PLEKHM1: variants seen among roughly 807,000 people sequenced by gnomAD.
PLEKHM1 encodes the protein pleckstrin homology domain-containing family M member 1.
Under a neutral mutation model 94.3 loss-of-function variants are expected in PLEKHM1, and 28 were observed. That is an observed-to-expected ratio of 0.30 (90% CI 0.22 to 0.41). The LOEUF (loss-of-function observed/expected upper bound fraction) is 0.41, where lower values mean the gene tolerates loss of function less well. PLEKHM1 is among the 10% of genes least tolerant of loss of function. PLEKHM1 has a pLI of 1.00. For missense variants in PLEKHM1, 907 were observed against 1,358.6 expected (o/e 0.67, Z 5.22); for synonymous variants, 424 against 581.2 (o/e 0.73, Z 3.89).
chr17:45,457,288 C>T (rs796358237), intron 6 of PLEKHM1, among the ~76,000 whole-genome samples: 12 of 151,786 alleles, frequency 7.9e-5, no homozygotes, highest in African/African-American at 2.4e-4. Flanking sequence ...ATTGGCCAGG[C>T]GCAGTGGCTC....
At chr17:45,449,859 CACCT>C (rs1471834966) in intron 8 of PLEKHM1, among the ~76,000 whole-genome samples, 2 of 150,710 alleles carry the variant, frequency 1.3e-5, no homozygotes, top group East Asian at 2.0e-4. Context: ...CCTGCTCATT[CACCT>C]ACCTACCTAT....
rs1363165181 is a variant in PLEKHM1, at chr17:45,445,575, T to C, written c.2732A>G (p.His911Arg). The C allele has an allele frequency of 6.2e-7, 1 of 1,613,826 alleles. No individual in the cohort carries two copies. Among genetic ancestry groups the C allele is most frequent in the Non-Finnish European group, 8.5e-7 (1 of 1,179,860 alleles). Reference protein sequence around the residue: ...LQMVNASLYEHVERMHLIGRR... With the variant: ...LQMVNASLYERVERMHLIGRR... ...CCCAATGAGGTGCATCCGCTCCACATGCTCGTACAGAGACGCGTTCACCAT... is the reference window on the plus strand; with the variant it reads ...CCCAATGAGGTGCATCCGCTCCACACGCTCGTACAGAGACGCGTTCACCAT... The change falls in exon 9 of 12, where the codon CAT (histidine) becomes CGT (arginine). Residue 911 changes from histidine (H) to arginine (R), a missense_variant. This residue lies in a region of PLEKHM1 where 254 missense variants were observed against 451.1 expected (regional missense o/e 0.56). Transcript: ENST00000430334. This position sits in a 1 kb window ranked among gnomAD's most constrained non-coding sequence, Gnocchi z 4.2.
In PLEKHM1 at chr17:45,445,081, A is replaced by G. The variant is rs1369916080; in HGVS notation, c.2837+389T>C. Reference sequence around the variant, plus strand: ...ATTGTTGGAGCCTACATGCCTCGCCAGGTGTGCAGTGCTTAGTATGTTCTC... The same window carrying G: ...ATTGTTGGAGCCTACATGCCTCGCCGGGTGTGCAGTGCTTAGTATGTTCTC... On this transcript the variant is annotated intron_variant, in intron 9 of 11. Coordinates refer to ENST00000430334, the MANE Select transcript of PLEKHM1 (RefSeq NM_014798.3). This position sits in a 1 kb window ranked among gnomAD's most constrained non-coding sequence, Gnocchi z 4.2. Among the ~76,000 whole-genome samples the G allele has an allele frequency of 6.6e-6, 1 of 152,262 alleles. No individual in the cohort carries two copies. The highest frequency in any genetic ancestry group is 2.4e-5 in the African/African-American group (1 of 41,470).
intron 3 of PLEKHM1, chr17:45,477,435 A>C (rs1156442080): frequency 3.5e-5 from 6 of 170,384 alleles, no homozygotes; most frequent in South Asian, 2.6e-4. Flanking sequence ...CTCCATCCCA[A>C]AAAAAAAAAA....
chr17:45,477,286 T>C (rs1231977163), intron 3 of PLEKHM1: 1 of 163,278 alleles, frequency 6.1e-6, no homozygotes, highest in Non-Finnish European at 1.4e-5. Context: ...ATACAAAAAT[T>C]AGCTGGGCGT....
intron 1 of PLEKHM1, among the ~76,000 whole-genome samples, chr17:45,485,330 C>A (rs940142292): frequency 1.6e-4 from 24 of 152,112 alleles, no homozygotes; most frequent in Admixed American, 2.6e-4. Flanking sequence ...GGCTCCGAAA[C>A]CCTGGGCTCC....
rs2684520 is a variant in PLEKHM1, at chr17:45,458,162, A to C, written c.1579+7T>G. On this transcript the variant is annotated splice_region_variant and intron_variant, in intron 6 of 11. Coordinates refer to ENST00000430334, the MANE Select transcript of PLEKHM1 (RefSeq NM_014798.3). The stretch of plus-strand genomic sequence containing the variant: ...GGGACCCACCCGGGACCCTCCTGGT[A>C]ACCTACCCATCTGTCTCCGGTGTAC... 3 of 1,612,808 alleles carry C rather than the reference A, an allele frequency of 1.9e-6. No individual in the cohort carries two copies. Among genetic ancestry groups the C allele is most frequent in the Middle Eastern group, 1.6e-4 (1 of 6,076 alleles).
At chr17:45,448,509 T>C (rs540374136) in intron 8 of PLEKHM1, among the ~76,000 whole-genome samples, 4 of 152,348 alleles carry the variant, frequency 2.6e-5, no homozygotes, top group Admixed American at 6.5e-5. Flanking sequence ...TCTGTCTTAG[T>C]AGAAATCTGT....
intron 1 of PLEKHM1, among the ~76,000 whole-genome samples, chr17:45,483,676 C>A (rs2052026591): frequency 6.6e-6 from 1 of 152,162 alleles, no homozygotes; most frequent in Admixed American, 6.5e-5. Flanking sequence ...GGGCTCAGTT[C>A]TCTTTACATA....
At chr17:45,486,895 T>C (rs2052149153) in intron 1 of PLEKHM1, among the ~76,000 whole-genome samples, 1 of 152,202 alleles carries the variant, frequency 6.6e-6, no homozygotes, top group African/African-American at 2.4e-5. Flanking sequence ...GCTTTGTGTC[T>C]CTTGACTGTG....
chr17:45,458,564 G>C, intron 5 of PLEKHM1, 125 bp from the exon 6 acceptor site: 1 of 894,718 alleles, frequency 1.1e-6, no homozygotes, highest in Non-Finnish European at 1.8e-6. Flanking sequence ...TCTGACTCCT[G>C]GGTTCAAGCG....
Position 45,436,196 on chromosome 17 carries a change from C to G in PLEKHM1, c.*1662G>C. The G allele has an allele frequency of 2.2e-6, 1 of 454,422 alleles. No homozygotes were observed. Among genetic ancestry groups the G allele is most frequent in the Non-Finnish European group, 4.4e-6 (1 of 226,808 alleles). 28.1% of individuals were successfully genotyped at this position (454,422 alleles called of 1,614,324 possible). A position where few individuals can be genotyped will look rare whatever the true frequency, so the allele number is the denominator to read the frequency against. ...AATCCTCACAGGCCCAAGCCCTCCC[C>G]AGGCCAGGCTCCTGCCCACTCAGGG... On this transcript the variant is annotated 3_prime_UTR_variant, in exon 12 of 12. Coordinates refer to ENST00000430334, the MANE Select transcript of PLEKHM1 (RefSeq NM_014798.3).
Position 45,468,554 on chromosome 17 carries a change from C to T in PLEKHM1, c.963G>A (p.Val321=). The change falls in exon 5 of 12, where the codon GTG becomes GTA. Residue 321 remains valine (V), a synonymous_variant. Coordinates refer to ENST00000430334, the MANE Select transcript of PLEKHM1 (RefSeq NM_014798.3). ...LEFSKAQVNS[V]PTNGLSQETE... ...TTTCTTGGCTCAGTCCGTTGGTTGG[C>T]ACAGAGTTTACCTGGGCTTTGCTGA... The T allele has an allele frequency of 6.2e-7, 1 of 1,614,162 alleles. No individual in the cohort carries two copies. The highest frequency in any genetic ancestry group is 8.5e-7 in the Non-Finnish European group (1 of 1,180,030).
rs991413222 is a variant in PLEKHM1 at position 45,454,392 on chromosome 17, A to C, written c.1580-120T>G. 1.1e-5 allele frequency: 10 copies of C among 907,214 alleles called. No individual in the cohort carries two copies. The African/African-American group carries it at 1.6e-4, about 15-fold the overall frequency. 56.2% of individuals were successfully genotyped at this position (907,214 alleles called of 1,614,324 possible). On this transcript the variant is annotated intron_variant, in intron 6 of 11. Transcript: ENST00000430334. Reference sequence around the variant, plus strand: ...TGGCCAGTGACTGTCCCCAGAACACAGGCCAGCCACGGGGCACTATCACAT... The same window carrying C: ...TGGCCAGTGACTGTCCCCAGAACACCGGCCAGCCACGGGGCACTATCACAT...
At chr17:45,473,476 C>T (rs1432081381) in intron 4 of PLEKHM1, among the ~76,000 whole-genome samples, 2 of 152,110 alleles carry the variant, frequency 1.3e-5, no homozygotes, top group Non-Finnish European at 2.9e-5. Context: ...AAAAGATCTT[C>T]TCCAAAACAA....
chr17:45,451,733 C>T (rs886450417), intron 7 of PLEKHM1, among the ~76,000 whole-genome samples: 3 of 152,004 alleles, frequency 2.0e-5, no homozygotes, highest in East Asian at 1.9e-4. Context: ...CCAAACTCCC[C>T]GGTGGCACAG....
chr17:45,490,185 G>C (rs963111236), intron 1 of PLEKHM1, among the ~76,000 whole-genome samples: 11 of 151,934 alleles, frequency 7.2e-5, no homozygotes, highest in Non-Finnish European at 1.0e-4. Flanking sequence ...AGCTAGACGG[G>C]GGATGGGGGT....
intron 6 of PLEKHM1, among the ~76,000 whole-genome samples, chr17:45,455,790 CT>C (rs1183335389): frequency 6.6e-6 from 1 of 152,194 alleles, no homozygotes; most frequent in Non-Finnish European, 1.5e-5. Context: ...CCCTTCTCCC[CT>C]GTAGTCCCTC....
rs1455390809 is a variant in PLEKHM1, at chr17:45,437,630, G to C, written c.*228C>G. 3 of 676,550 alleles carry C rather than the reference G, an allele frequency of 4.4e-6. No individual in the cohort carries two copies. The highest frequency in any genetic ancestry group is 8.1e-6 in the Non-Finnish European group (3 of 369,900). The allele number at this position is 676,550 out of a possible 1,614,324, so 41.9% of individuals were successfully genotyped here. A position where few individuals can be genotyped will look rare whatever the true frequency, so the allele number is the denominator to read the frequency against. ...GCCTGCCCCAGACAGGGAGCATCTG[G>C]TGGTGGCCACGCCTCCTGCAGCAGA... On this transcript the variant is annotated 3_prime_UTR_variant, in exon 12 of 12. Coordinates refer to ENST00000430334, the MANE Select transcript of PLEKHM1 (RefSeq NM_014798.3). The surrounding 1 kb of genome is among the most constrained non-coding windows in gnomAD (Gnocchi z 4.0).
Sources: allele counts gnomAD v4.1 joint callset (sites outside exome capture counted in the v4.1 genomes callset), GRCh38; gene constraint gnomAD v4.1.1; regional missense constraint gnomAD v4.1.1; non-coding constraint Gnocchi (gnomAD v3.1); transcripts MANE v1.5; gene names NCBI Gene and HGNC (gene_info 2026-07-23, HGNC 2026-07-21).